The following CHODL variants were observed in gnomAD, a reference collection of about 807,000 sequenced individuals.
The protein encoded by CHODL is transmembrane protein MT75.
In CHODL, 29 loss-of-function variants were observed where a neutral mutation model predicts 34.5. That is an observed-to-expected ratio of 0.84 (90% CI 0.63 to 1.15). CHODL has a LOEUF of 1.15. CHODL is among the 50% of genes most tolerant of loss of function. CHODL has a pLI of 0.00. For synonymous variants in CHODL, 125 were observed against 116.1 expected (o/e 1.08, Z -0.49); for missense variants, 332 against 332.5 (o/e 1.00, Z 0.01).
In CHODL at chr21:18,266,136, C is replaced by G. The variant is rs1412393388; in HGVS notation, c.*98C>G. 6.2e-7 allele frequency: 1 copy of G among 1,602,996 alleles called. No individual in the cohort carries two copies. The highest frequency in any genetic ancestry group is 8.5e-7 in the Non-Finnish European group (1 of 1,173,312). On this transcript the variant is annotated 3_prime_UTR_variant, in exon 6 of 6. Coordinates refer to ENST00000299295, the MANE Select transcript of CHODL (RefSeq NM_024944.3). ...GGAATGGCTTGAAATCACAAAGGAT[C>G]TGCAAGATGAACTGTAAGCTCCCCC... is the stretch of plus-strand genomic sequence containing the variant.
rs2146781256 is a variant in CHODL at position 18,245,897 on chromosome 21, G to A, written c.79+595G>A. On this transcript the variant is annotated intron_variant, in intron 1 of 5. Transcript: ENST00000299295. ...TTTGCACACTGCGTTCCAAGTTGGG[G>A]ACTTCCCAGAAAATGAAGTCAGCTG... 6.5e-6 allele frequency: 10 copies of A among 1,535,478 alleles called. No homozygotes were observed. The South Asian group carries it at 8.3e-5, about 13-fold the overall frequency.
chr21:18,137,988 C>CA (rs928798880), intron 2 of CHODL, among the ~76,000 whole-genome samples: 12 of 151,372 alleles, frequency 7.9e-5, no homozygotes, highest in South Asian at 2.1e-4. Flanking sequence ...ATTTAGGGAC[C>CA]AAAAAAAACC....
At chr21:18,081,570 G>A (rs150143) in intron 2 of CHODL, among the ~76,000 whole-genome samples, 119,647 of 151,780 alleles carry the variant, frequency 0.79, 48,749 homozygotes, top group East Asian at 1. Flanking sequence ...AATCCCAGCT[G>A]CTTGGGAGGC....
At chr21:17,946,862 A>G (rs139969183) in intron 1 of CHODL, among the ~76,000 whole-genome samples, 16 of 152,220 alleles carry the variant, frequency 1.1e-4, no homozygotes, top group African/African-American at 3.9e-4. Context: ...CAGCCTTTCA[A>G]TGTCTTTTAA....
At chr21:18,246,943 G>A (rs2074148768) in intron 1 of CHODL, among the ~76,000 whole-genome samples, 1 of 151,988 alleles carries the variant, frequency 6.6e-6, no homozygotes, top group South Asian at 2.1e-4. Flanking sequence ...AACTGAACAT[G>A]ATCTATTTGA....
Position 18,134,787 on chromosome 21 carries a change from A to G in CHODL, c.-45+106816A>G, listed in dbSNP as rs563420532. ...GTGACACTTTAAGATTCAGCCAAAT[A>G]CTAATAGATCTTTCCTTTGATCAAG... On this transcript the variant is annotated intron_variant, in intron 2 of 6. Coordinates refer to the CHODL transcript ENST00000400127. 3.3e-5 allele frequency among the ~76,000 whole-genome samples: 5 copies of G among 152,352 alleles called. No homozygotes were observed. The East Asian group carries it at 9.6e-4, about 29-fold the overall frequency.
chr21:18,101,473 A>G (rs1346627466), intron 2 of CHODL, among the ~76,000 whole-genome samples: 2 of 152,118 alleles, frequency 1.3e-5, no homozygotes, highest in Non-Finnish European at 2.9e-5. Flanking sequence ...TCTTATTCCT[A>G]TCCTTAAGTC....
At chr21:17,997,349 C>CTG (rs530857153) in intron 1 of CHODL, among the ~76,000 whole-genome samples, 32 of 152,324 alleles carry the variant, frequency 2.1e-4, no homozygotes, top group Non-Finnish European at 4.3e-4. Flanking sequence ...TGTCTTCTTG[C>CTG]TGTGTGTGTT....
At chr21:17,993,367 C>G (rs1443332762) in intron 1 of CHODL, among the ~76,000 whole-genome samples, 1 of 152,198 alleles carries the variant, frequency 6.6e-6, no homozygotes, top group Non-Finnish European at 1.5e-5. Flanking sequence ...TCTCCCTCCT[C>G]TCACCCATCA....
chr21:18,030,889 T>C (rs985836622), intron 2 of CHODL, among the ~76,000 whole-genome samples: 1 of 152,096 alleles, frequency 6.6e-6, no homozygotes, highest in African/African-American at 2.4e-5. Flanking sequence ...TGTAGCAGGG[T>C]GGCTTTTTCT....
At chr21:18,169,798 A>G (rs1269070099) in intron 2 of CHODL, among the ~76,000 whole-genome samples, 1 of 151,988 alleles carries the variant, frequency 6.6e-6, no homozygotes, top group Non-Finnish European at 1.5e-5. Context: ...AAATTTTGCT[A>G]GATTAGTTTT....
intron 2 of CHODL, among the ~76,000 whole-genome samples, chr21:18,212,518 C>T (rs1296060512): frequency 6.6e-6 from 1 of 151,966 alleles, no homozygotes; most frequent in Non-Finnish European, 1.5e-5. Context: ...ATTTAAATTT[C>T]ATGAGGCTTT....
At chr21:18,055,152 G>T (rs2064563347) in intron 2 of CHODL, among the ~76,000 whole-genome samples, 1 of 151,870 alleles carries the variant, frequency 6.6e-6, no homozygotes, top group Admixed American at 6.6e-5. Context: ...TTTACTCACG[G>T]TGTTCCCTCC....
Position 17,999,388 on chromosome 21 carries a change from C to T in CHODL, c.-144-28484C>T, listed in dbSNP as rs2063883377. On this transcript the variant is annotated intron_variant, in intron 1 of 6. Coordinates refer to the CHODL transcript ENST00000400127. ...AAACTGTTCCAACCTCTGCCTGTTA[C>T]CCAGTTCCAAAGTCACTTCCACAGT... Among the ~76,000 whole-genome samples the T allele has an allele frequency of 2.0e-5, 3 of 152,240 alleles. No homozygotes were observed. The South Asian group carries it at 6.2e-4, about 31-fold the overall frequency.
At chr21:18,073,959 A>T (rs1419342716) in intron 2 of CHODL, among the ~76,000 whole-genome samples, 1 of 152,104 alleles carries the variant, frequency 6.6e-6, no homozygotes, top group Non-Finnish European at 1.5e-5. Flanking sequence ...TTGGGATAGA[A>T]GGTCATTTTT....
intron 1 of CHODL, among the ~76,000 whole-genome samples, chr21:18,250,224 G>A (rs1331844181): frequency 2.0e-5 from 3 of 151,988 alleles, no homozygotes; most frequent in Non-Finnish European, 2.9e-5. Flanking sequence ...TGGTTTCAAA[G>A]CTAATTCATT....
chr21:18,092,869 G>A (rs537536280), intron 2 of CHODL, among the ~76,000 whole-genome samples: 1 of 152,192 alleles, frequency 6.6e-6, no homozygotes, highest in Non-Finnish European at 1.5e-5. Context: ...TGGCCTTAAG[G>A]CCTCTTCTTC....
At chr21:18,027,310 C>T (rs1252983930) in intron 1 of CHODL, among the ~76,000 whole-genome samples, 2 of 151,956 alleles carry the variant, frequency 1.3e-5, no homozygotes, top group African/African-American at 2.4e-5. Context: ...AAAAAACTCT[C>T]CAGAAATAAC....
intron 1 of CHODL, among the ~76,000 whole-genome samples, chr21:18,012,922 T>C (rs1203074737): frequency 2.1e-5 from 3 of 139,950 alleles, no homozygotes; most frequent in Non-Finnish European, 3.1e-5. Flanking sequence ...AGTAAATGGA[T>C]AAATAAATGC....
Sources: allele counts gnomAD v4.1 joint callset (sites outside exome capture counted in the v4.1 genomes callset), GRCh38; gene constraint gnomAD v4.1.1; transcripts MANE v1.5; gene names NCBI Gene and HGNC (gene_info 2026-07-23, HGNC 2026-07-21).